RPS6KC1: variants seen among roughly 807,000 people sequenced by gnomAD.
The protein encoded by RPS6KC1 is inactive ribosomal protein S6 kinase delta-1.
RPS6KC1 carries 54 observed loss-of-function variants against 103.8 expected under a neutral mutation model. The observed-to-expected ratio is 0.52, with a 90% CI of 0.42 to 0.65. The LOEUF is 0.65. RPS6KC1 is among the 30% of genes least tolerant of loss of function. RPS6KC1 has a pLI of 0.00. For missense variants in RPS6KC1, 1,151 were observed against 1,253.8 expected, an observed-to-expected ratio of 0.92 and a Z score of 1.24; for synonymous variants, 439 against 438.7, an observed-to-expected ratio of 1.00 and a Z score of -0.01.
the RPS6KC1 span, among the ~76,000 whole-genome samples, chr1:213,284,048 T>G: frequency 6.6e-6 from 1 of 151,972 alleles, no homozygotes; most frequent in East Asian, 1.9e-4. Context: ...CAGAAAGATG[T>G]GTTCACAAAA....
the RPS6KC1 span, among the ~76,000 whole-genome samples, chr1:213,682,173 C>A: frequency 6.6e-6 from 1 of 152,224 alleles, no homozygotes; most frequent in South Asian, 2.1e-4. Flanking sequence ...GTCAGTTGGT[C>A]ACCTTACTGT....
intron 6 of RPS6KC1, among the ~76,000 whole-genome samples, chr1:213,165,999 C>T (rs1454546351): frequency 1.3e-5 from 2 of 152,082 alleles, no homozygotes; most frequent in Non-Finnish European, 2.9e-5. Flanking sequence ...ATGGAGACTG[C>T]CTAGAAAGTG....
the RPS6KC1 span, among the ~76,000 whole-genome samples, chr1:213,372,722 C>T: frequency 6.6e-6 from 1 of 152,178 alleles, no homozygotes; most frequent in African/African-American, 2.4e-5. Flanking sequence ...ACCACCTGTT[C>T]TACCTTGGGG....
At chr1:213,527,995 T>C in the RPS6KC1 span, among the ~76,000 whole-genome samples, 1 of 152,206 alleles carries the variant, frequency 6.6e-6, no homozygotes, top group Non-Finnish European at 1.5e-5. Flanking sequence ...TTCATCCTGT[T>C]GTCATCCCAT....
the RPS6KC1 span, among the ~76,000 whole-genome samples, chr1:213,714,249 T>A: frequency 6.6e-6 from 1 of 152,352 alleles, no homozygotes; most frequent in Non-Finnish European, 1.5e-5. Flanking sequence ...GAAACAGTAT[T>A]TGGCACGCTA....
chr1:213,184,950 G>A (rs1321278082), intron 8 of RPS6KC1, among the ~76,000 whole-genome samples: 1 of 151,738 alleles, frequency 6.6e-6, no homozygotes, highest in Non-Finnish European at 1.5e-5. Context: ...TGAGAAGAAT[G>A]TGTATTTTCT....
At position 213,272,594 on chromosome 1, in the gene RPS6KC1, C is replaced by T. The variant is rs1353961020; in HGVS notation, c.3161C>T (p.Pro1054Leu). The T allele has an allele frequency of 3.1e-6, 5 of 1,613,904 alleles. No homozygotes were observed. The highest frequency in any genetic ancestry group is 1.7e-5 in the Admixed American group (1 of 60,020). Residue 1054 changes from proline to leucine, a missense_variant, in exon 15 of 15, where the codon CCA becomes CTA. Transcript: ENST00000366960. ...GGTGTTGAAGATATCAAATCTCATCCATTTTTTACCCCTGTGGATTGGGCA... is the reference window on the plus strand; with the variant it reads ...GGTGTTGAAGATATCAAATCTCATCTATTTTTTACCCCTGTGGATTGGGCA... ...VAGVEDIKSH[P>L]FFTPVDWAEL... is the part of the protein sequence containing the mutation.
the RPS6KC1 span, among the ~76,000 whole-genome samples, chr1:213,704,004 T>A: frequency 1.3e-5 from 2 of 152,194 alleles, no homozygotes; most frequent in Non-Finnish European, 2.9e-5. Context: ...TGTTATTTTT[T>A]AATTATTTTT....
intron 6 of RPS6KC1, among the ~76,000 whole-genome samples, chr1:213,144,470 C>G (rs2147794795): frequency 6.6e-6 from 1 of 151,942 alleles, no homozygotes; most frequent in East Asian, 1.9e-4. Flanking sequence ...CTAGGCTGGT[C>G]TTGAACTCCC....
the RPS6KC1 span, among the ~76,000 whole-genome samples, chr1:213,860,318 G>A: frequency 6.6e-6 from 1 of 151,518 alleles, no homozygotes; most frequent in Non-Finnish European, 1.5e-5. Flanking sequence ...CTTATTAAAG[G>A]GTAAGTTCAC....
At chr1:213,588,938 G>A in the RPS6KC1 span, among the ~76,000 whole-genome samples, 1 of 152,208 alleles carries the variant, frequency 6.6e-6, no homozygotes, top group Non-Finnish European at 1.5e-5. Flanking sequence ...ATGAGAGGGA[G>A]ATTCAGAGGC....
intron 5 of RPS6KC1, among the ~76,000 whole-genome samples, chr1:213,119,523 A>G (rs1385175218): frequency 7.2e-6 from 1 of 139,112 alleles, no homozygotes; most frequent in Non-Finnish European, 1.5e-5. Flanking sequence ...GAGGAGTGCA[A>G]TAGTCAGAAA....
chr1:213,209,212 G>A (rs1438156555), intron 8 of RPS6KC1, among the ~76,000 whole-genome samples: 1 of 151,988 alleles, frequency 6.6e-6, no homozygotes, highest in Non-Finnish European at 1.5e-5. Context: ...TCTCTCAGTA[G>A]CCCCGCTCAC....
chr1:213,854,553 T>TTTC, the RPS6KC1 span, among the ~76,000 whole-genome samples: 1 of 105,084 alleles, frequency 9.5e-6, no homozygotes, highest in Non-Finnish European at 1.9e-5. Flanking sequence ...TCTTTCTTTC[T>TTTC]TTCTTTCTTT....
chr1:213,085,653 C>T (rs534674106), intron 3 of RPS6KC1, among the ~76,000 whole-genome samples: 4 of 152,284 alleles, frequency 2.6e-5, no homozygotes, highest in African/African-American at 4.8e-5. Flanking sequence ...CCTTCCTTCT[C>T]CCTTTATCTG....
chr1:213,104,605 TA>T, intron 4 of RPS6KC1, 36 bp downstream of exon 4: 1 of 1,157,636 alleles, frequency 8.6e-7, no homozygotes, highest in Non-Finnish European at 1.2e-6. Flanking sequence ...TATATCTTAT[TA>T]AATACTTTTG....
At chr1:213,418,289 G>C in the RPS6KC1 span, among the ~76,000 whole-genome samples, 1 of 152,202 alleles carries the variant, frequency 6.6e-6, no homozygotes, top group Non-Finnish European at 1.5e-5. Context: ...GTGTAACACA[G>C]TGCTTGTACA....
chr1:213,186,403 T>C lies in RPS6KC1; in HGVS notation c.1044+9911T>C, dbSNP rs993814679. On this transcript the variant is annotated intron_variant, in intron 8 of 14. Transcript: ENST00000366960. ...GTTTGTTTTTTAAGCACTTTGAAAA[T>C]GTTGTTTCACTCTTGTCTGCGTGGT... is the stretch of plus-strand genomic sequence containing the variant. Among the ~76,000 whole-genome samples, 8 of 152,222 alleles carry C rather than the reference T, an allele frequency of 5.3e-5. No individual in the cohort carries two copies. The East Asian group carries it at 1.5e-3, about 29-fold the overall frequency.
At chr1:213,343,415 A>G in the RPS6KC1 span, among the ~76,000 whole-genome samples, 19 of 35,534 alleles carry the variant, frequency 5.3e-4, 3 homozygotes, top group Admixed American at 8.9e-4. Context: ...ATATATATAT[A>G]TATATATATA....
Sources: allele counts gnomAD v4.1 joint callset (sites outside exome capture counted in the v4.1 genomes callset), GRCh38; gene constraint gnomAD v4.1.1; transcripts MANE v1.5; gene names NCBI Gene and HGNC (gene_info 2026-07-23, HGNC 2026-07-21).